Variants in TBRG1 observed in about 807,000 individuals in gnomAD.
The protein encoded by TBRG1 is nuclear interactor of ARF and MDM2.
A neutral mutation model predicts 44.0 loss-of-function variants in TBRG1; 31 were observed. The ratio of observed to expected loss-of-function variants is 0.70; its 90% CI spans 0.53 to 0.95. The LOEUF (loss-of-function observed/expected upper bound fraction) is 0.95, where lower values mean the gene tolerates loss of function less well. Ranked by LOEUF, TBRG1 falls within the 40% of genes least tolerant of loss-of-function variation. TBRG1 has a pLI of 0.00. For missense variants in TBRG1, 487 were observed against 496.1 expected, an observed-to-expected ratio of 0.98 and a Z score of 0.18; for synonymous variants, 171 against 188.1, an observed-to-expected ratio of 0.91 and a Z score of 0.74.
intron 5 of TBRG1, among the ~76,000 whole-genome samples, chr11:124,628,935 C>T (rs1463969000): frequency 6.6e-6 from 1 of 152,042 alleles, no homozygotes; most frequent in Non-Finnish European, 1.5e-5. Context: ...AGCCTAAATA[C>T]CTATCAATGA....
chr11:124,624,312 C>T (rs1171039540), intron 1 of TBRG1, among the ~76,000 whole-genome samples: 2 of 133,104 alleles, frequency 1.5e-5, no homozygotes, highest in African/African-American at 2.8e-5. Flanking sequence ...CATTCAGATT[C>T]AGCATTCCCT....
rs564440090 is a variant in TBRG1, at chr11:124,633,144, G to A, written c.*906G>A. On this transcript the variant is annotated 3_prime_UTR_variant, in exon 9 of 9. Coordinates refer to ENST00000441174, the MANE Select transcript of TBRG1 (RefSeq NM_032811.3). Reference sequence around the variant, plus strand: ...CTTTAACCTCTTTAACCTTTGTATTGCACCTCAGATAATGTGCTTTTTAGC... The same window carrying A: ...CTTTAACCTCTTTAACCTTTGTATTACACCTCAGATAATGTGCTTTTTAGC... 1 of 152,146 alleles carries A rather than the reference G, an allele frequency of 6.6e-6. No individual in the cohort carries two copies. The highest frequency in any genetic ancestry group is 2.4e-5 in the African/African-American group (1 of 41,492). The allele number at this position is 152,146 out of a possible 1,614,324, so 9.4% of individuals were successfully genotyped here.
At chr11:124,623,977 A>G (rs536294285) in intron 1 of TBRG1, among the ~76,000 whole-genome samples, 1 of 152,340 alleles carries the variant, frequency 6.6e-6, no homozygotes, top group South Asian at 2.1e-4. Context: ...CTCTCTACCA[A>G]AAGCTTGAAC....
intron 8 of TBRG1, 122 bp downstream of exon 8, chr11:124,631,539 C>T: frequency 8.9e-7 from 1 of 1,122,084 alleles, no homozygotes; most frequent in African/African-American, 1.5e-5. Context: ...TTCATTGAAT[C>T]AGCCTTGCGG....
intron 5 of TBRG1, among the ~76,000 whole-genome samples, chr11:124,627,266 C>T (rs568750815): frequency 6.6e-6 from 1 of 152,304 alleles, no homozygotes; most frequent in African/African-American, 2.4e-5. Flanking sequence ...CAAACTGATG[C>T]TCTTTTCTCT....
Position 124,632,826 on chromosome 11 carries a change from A to C in TBRG1, c.*588A>C, listed in dbSNP as rs1211004755. On this transcript the variant is annotated 3_prime_UTR_variant, in exon 9 of 9. Transcript: ENST00000441174. ...CCCAAAGGCCCCACCTCCCAATACC[A>C]TCACATTAGGGGTTAGGATTTAACA... The C allele has an allele frequency of 6.6e-6, 1 of 152,258 alleles. No individual in the cohort carries two copies. Among genetic ancestry groups the C allele is most frequent in the Non-Finnish European group, 1.5e-5 (1 of 68,192 alleles). The allele number at this position is 152,258 out of a possible 1,614,324, so 9.4% of individuals were successfully genotyped here.
At position 124,623,119 on chromosome 11, in the gene TBRG1, G is replaced by A; in HGVS notation, c.36G>A (p.Arg12=). 3.2e-6 allele frequency: 5 copies of A among 1,551,272 alleles called. No homozygotes were observed. The highest frequency in any genetic ancestry group is 4.4e-6 in the Non-Finnish European group (5 of 1,146,982). The change falls in exon 1 of 9, where the codon CGG becomes CGA. Residue 12 remains arginine (R), a synonymous_variant. Coordinates refer to ENST00000441174, the MANE Select transcript of TBRG1 (RefSeq NM_032811.3). ...TGGACGGCCTCGCTTCCTCGCCGCG[G>A]GCTCCGCTGCAGTCCAGCAAGGCCA... The part of the protein sequence containing the change: ...SLLDGLASSP[R]APLQSSKARM...
intron 7 of TBRG1, 66 bp from the exon 8 acceptor site, chr11:124,631,209 A>G: frequency 6.9e-7 from 1 of 1,438,898 alleles, no homozygotes; most frequent in South Asian, 1.4e-5. Flanking sequence ...TGATCCCTTT[A>G]GTGATAGGAA....
intron 5 of TBRG1, 92 bp from the exon 6 acceptor site, chr11:124,630,296 A>T: frequency 1.2e-6 from 1 of 865,094 alleles, no homozygotes; most frequent in Non-Finnish European, 2.0e-6. Context: ...CGTCAGCTTC[A>T]CGTTCCAGAG....
rs530196796 is a variant in TBRG1 at position 124,624,380 on chromosome 11, A to G, written c.151-551A>G. Among the ~76,000 whole-genome samples the G allele has an allele frequency of 8.3e-3, 1,011 of 122,058 alleles. 10 individuals carry two copies. Among genetic ancestry groups the G allele is most frequent in the African/African-American group, 0.052 (753 of 14,610 alleles). 80.1% of individuals were successfully genotyped at this position (122,058 alleles called of 152,430 possible). A position where few individuals can be genotyped will look rare whatever the true frequency, so the allele number is the denominator to read the frequency against. Reference sequence around the variant, plus strand: ...ATCATTTACAAAAAAAAAAAAAAAAAAAAGAAAAAAGATAATACTTGAATT... The same window carrying G: ...ATCATTTACAAAAAAAAAAAAAAAAGAAAGAAAAAAGATAATACTTGAATT... On this transcript the variant is annotated intron_variant, in intron 1 of 8. Coordinates refer to ENST00000441174, the MANE Select transcript of TBRG1 (RefSeq NM_032811.3).
In TBRG1 at chr11:124,633,165, T is replaced by C. The variant is rs1330942852; in HGVS notation, c.*927T>C. On this transcript the variant is annotated 3_prime_UTR_variant, in exon 9 of 9. Coordinates refer to ENST00000441174, the MANE Select transcript of TBRG1 (RefSeq NM_032811.3). ...TATTGCACCTCAGATAATGTGCTTT[T>C]TAGCTCAGTACACTGAAACCATATG... The C allele has an allele frequency of 6.6e-6, 1 of 152,248 alleles. No individual in the cohort carries two copies. Among genetic ancestry groups the C allele is most frequent in the Non-Finnish European group, 1.5e-5 (1 of 68,050 alleles). The allele number at this position is 152,248 out of a possible 1,614,324, so 9.4% of individuals were successfully genotyped here.
At chr11:124,631,176 G>A in intron 7 of TBRG1, 99 bp from the exon 8 acceptor site, 1 of 1,186,518 alleles carries the variant, frequency 8.4e-7, no homozygotes, top group East Asian at 2.5e-5. Flanking sequence ...ATATATATGG[G>A]CGGAATATAA....
Position 124,628,541 on chromosome 11 carries a change from A to C in TBRG1, c.738+1491A>C, listed in dbSNP as rs112561955. 3.3e-3 allele frequency among the ~76,000 whole-genome samples: 465 copies of C among 139,428 alleles called. 2 individuals are homozygous for C. Among genetic ancestry groups the C allele is most frequent in the African/African-American group, 0.011 (430 of 39,296 alleles). The allele number at this position is 139,428 out of a possible 152,430, so 91.5% of individuals were successfully genotyped here. On this transcript the variant is annotated intron_variant, in intron 5 of 8. Transcript: ENST00000441174. ...GCAATATTAAAAAAAAAAAAAAAAA[A>C]CCCACAGGCATTTCACAGAAACAGT... is the stretch of plus-strand genomic sequence containing the variant.
At position 124,632,988 on chromosome 11, in the gene TBRG1, C is replaced by T. The variant is rs894008261; in HGVS notation, c.*750C>T. The stretch of plus-strand genomic sequence containing the variant: ...AATATCAAGTCCCAGCCCCTGCAAC[C>T]CAGGCTGCTGCTTAATTTTCATGTC... On this transcript the variant is annotated 3_prime_UTR_variant, in exon 9 of 9. Coordinates refer to ENST00000441174, the MANE Select transcript of TBRG1 (RefSeq NM_032811.3). The T allele has an allele frequency of 1.9e-4, 29 of 152,184 alleles. No individual in the cohort carries two copies. The highest frequency in any genetic ancestry group is 1.9e-3 in the Admixed American group (29 of 15,284). The allele number at this position is 152,184 out of a possible 1,614,324, so 9.4% of individuals were successfully genotyped here. A position where few individuals can be genotyped will look rare whatever the true frequency, so the allele number is the denominator to read the frequency against.
chr11:124,625,347 A>G (rs902214338), intron 2 of TBRG1, among the ~76,000 whole-genome samples: 5 of 152,266 alleles, frequency 3.3e-5, no homozygotes, highest in East Asian at 1.9e-4. Context: ...ACAAATATTT[A>G]TTCTGTACGT....
chr11:124,631,417 G>T lies in TBRG1; in HGVS notation c.1090G>T (p.Gly364Ter). The T allele has an allele frequency of 6.2e-7, 1 of 1,613,830 alleles. No individual in the cohort carries two copies. Among genetic ancestry groups the T allele is most frequent in the Non-Finnish European group, 8.5e-7 (1 of 1,179,848 alleles). ...DEDQNDPLLP[G>*]SLDLPELQPA... ...AGATCAGAATGATCCCCTTCTGCCA[G>T]GTATCTTTAACTTTACCTTTCTGGT... is the stretch of plus-strand genomic sequence containing the variant. The change falls in exon 8 of 9, where the codon GGA (glycine) becomes TGA (stop). Residue 364 changes from glycine (G) to a stop codon, truncating the protein, a stop_gained and splice_region_variant. Coordinates refer to ENST00000441174, the MANE Select transcript of TBRG1 (RefSeq NM_032811.3). LOFTEE classifies it high-confidence loss of function.
At position 124,633,555 on chromosome 11, in the gene TBRG1, C is replaced by T. The variant is rs1942656070; in HGVS notation, c.*1317C>T. The T allele has an allele frequency of 6.6e-6, 1 of 152,170 alleles. No individual in the cohort carries two copies. Among genetic ancestry groups the T allele is most frequent in the Non-Finnish European group, 1.5e-5 (1 of 68,040 alleles). The allele number at this position is 152,170 out of a possible 1,614,324, so 9.4% of individuals were successfully genotyped here. A position where few individuals can be genotyped will look rare whatever the true frequency, so the allele number is the denominator to read the frequency against. ...GGTACTTTATAGTAATAAATCTGAC[C>T]AGCAGAGGGAGGGATCAGGCAGCAG... On this transcript the variant is annotated 3_prime_UTR_variant, in exon 9 of 9. Transcript: ENST00000441174.
intron 1 of TBRG1, among the ~76,000 whole-genome samples, chr11:124,624,206 A>G (rs550439516): frequency 4.9e-4 from 75 of 152,188 alleles, no homozygotes; most frequent in Non-Finnish European, 9.9e-4. Context: ...ATGTTATTTC[A>G]AGGATATTGG....
At chr11:124,628,108 TATATATATACAC>T (rs1384813904) in intron 5 of TBRG1, among the ~76,000 whole-genome samples, 16 of 52,450 alleles carry the variant, frequency 3.1e-4, no homozygotes, top group East Asian at 3.8e-4. Context: ...TATATATATA[TATATATATACAC>T]ACACACACAC....
Sources: gnomAD v4.1 joint callset for allele counts (sites outside exome capture counted in the v4.1 genomes callset) on GRCh38, gnomAD v4.1.1 for gene constraint, MANE v1.5 for transcripts, NCBI Gene and HGNC (gene_info 2026-07-23, HGNC 2026-07-21) for gene names.